The following IL36B variants were observed in gnomAD, a reference collection of about 807,000 sequenced individuals.
IL36B encodes interleukin 36 beta.
IL36B carries 23 observed loss-of-function variants against 19.3 expected under a neutral mutation model. The ratio of observed to expected loss-of-function variants is 1.19; its 90% CI spans 0.86 to 1.69. IL36B has a LOEUF of 1.69. Among genes scored for constraint, IL36B ranks in the 40% most tolerant of loss-of-function variants. The probability of loss-of-function intolerance (pLI) is 0.00; values close to 1 mark genes in which losing one functional copy is unlikely to be tolerated. For missense variants in IL36B, 217 were observed against 200.5 expected, an observed-to-expected ratio of 1.08 and a Z score of -0.50; for synonymous variants, 59 against 59.7, an observed-to-expected ratio of 0.99 and a Z score of 0.05.
intron 1 of IL36B, among the ~76,000 whole-genome samples, chr2:113,033,602 G>A (rs1439814560): frequency 1.3e-5 from 2 of 152,156 alleles, no homozygotes; most frequent in African/African-American, 2.4e-5. Context: ...GGCTCTGAGG[G>A]ATGACAGAAT....
At chr2:113,023,180 A>G (rs1684893065) in intron 5 of IL36B, among the ~76,000 whole-genome samples, 1 of 152,212 alleles carries the variant, frequency 6.6e-6, no homozygotes, top group African/African-American at 2.4e-5. Flanking sequence ...TCAACATTTA[A>G]TGTCAGTTCC....
At chr2:113,028,068 G>C (rs1684997524) in intron 4 of IL36B, 1 of 1,614,094 alleles carries the variant, frequency 6.2e-7, no homozygotes, top group Non-Finnish European at 8.5e-7. Context: ...AAAAGAGAAA[G>C]GGCTTCTGTG....
intron 1 of IL36B, among the ~76,000 whole-genome samples, chr2:113,050,892 T>C (rs532848907): frequency 6.6e-6 from 1 of 152,272 alleles, no homozygotes; most frequent in East Asian, 1.9e-4. Flanking sequence ...GGGCTGCAGA[T>C]CCTTGTGGAA....
intron 4 of IL36B, chr2:113,027,522 G>A (rs1028959561): frequency 1.2e-5 from 12 of 1,034,852 alleles, no homozygotes; most frequent in Non-Finnish European, 1.4e-5. Flanking sequence ...ATGTTTTATT[G>A]AAGAAGTTGT....
chr2:113,027,209 T>G (rs545202020), intron 4 of IL36B, among the ~76,000 whole-genome samples: 16 of 152,118 alleles, frequency 1.1e-4, no homozygotes, highest in Non-Finnish European at 1.9e-4. Flanking sequence ...TCACATTGAC[T>G]GAGGAGAAGA....
At chr2:113,044,986 T>C (rs763293534) in intron 1 of IL36B, among the ~76,000 whole-genome samples, 10 of 152,182 alleles carry the variant, frequency 6.6e-5, no homozygotes, top group African/African-American at 9.6e-5. Flanking sequence ...CCATATCCTA[T>C]TTTTGTCATT....
At chr2:113,051,760 G>T (rs968138708) in intron 1 of IL36B, among the ~76,000 whole-genome samples, 2 of 152,182 alleles carry the variant, frequency 1.3e-5, no homozygotes, top group African/African-American at 4.8e-5. Flanking sequence ...CGGCTCCCTG[G>T]AGGCTGTGTC....
chr2:113,031,825 C>A, intron 1 of IL36B, 59 bp from the exon 2 acceptor site: 1 of 819,016 alleles, frequency 1.2e-6, no homozygotes, highest in Admixed American at 2.0e-5. Flanking sequence ...CTTTTTTCTC[C>A]TCTCCCCCTA....
Position 113,031,164 on chromosome 2 carries a change from T to A in IL36B, c.14-9A>T. On this transcript the variant is annotated splice_polypyrimidine_tract_variant and intron_variant, in intron 2 of 5. Coordinates refer to ENST00000259213, the MANE Select transcript of IL36B (RefSeq NM_014438.5). ...TTTGGGTGCTGCCTCCCCTGCCAGA[T>A]GACAAAAATGCACAAAATACACGTG... 1 of 1,592,948 alleles carries A rather than the reference T, an allele frequency of 6.3e-7. No homozygotes were observed. Among genetic ancestry groups the A allele is most frequent in the Non-Finnish European group, 8.6e-7 (1 of 1,160,690 alleles).
chr2:113,034,376 G>A (rs1378800129), intron 1 of IL36B, among the ~76,000 whole-genome samples: 1 of 152,166 alleles, frequency 6.6e-6, no homozygotes, highest in Non-Finnish European at 1.5e-5. Flanking sequence ...GTATTCCCCA[G>A]CCAGCCTATC....
At chr2:113,047,176 T>G (rs1428282650) in intron 1 of IL36B, among the ~76,000 whole-genome samples, 1 of 152,218 alleles carries the variant, frequency 6.6e-6, no homozygotes, top group African/African-American at 2.4e-5. Flanking sequence ...CTGTGGATTT[T>G]TTTAAGTATT....
At chr2:113,026,337 GC>G (rs1227685953) in intron 4 of IL36B, 1 of 1,522,270 alleles carries the variant, frequency 6.6e-7, no homozygotes, top group Non-Finnish European at 8.8e-7. Context: ...CCTGCATACA[GC>G]ATGTAAGGTG....
intron 5 of IL36B, among the ~76,000 whole-genome samples, chr2:113,024,796 C>T (rs1049365410): frequency 1.2e-4 from 18 of 152,188 alleles, no homozygotes; most frequent in African/African-American, 4.3e-4. Flanking sequence ...TTTTCATCAC[C>T]ATCTTCCTAT....
chr2:113,031,154 C>T lies in IL36B; in HGVS notation c.15G>A (p.Arg5=), dbSNP rs141795577. 8 of 1,611,606 alleles carry T rather than the reference C, an allele frequency of 5.0e-6. No homozygotes were observed. In the African/African-American group the frequency reaches 9.4e-5, roughly 19 times the overall value. Residue 5 remains arginine, a splice_region_variant and synonymous_variant, in exon 3 of 6, where the codon CGG becomes CGA. Transcript: ENST00000259213. ...TAGCATAGGATTTGGGTGCTGCCTCCCCTGCCAGATGACAAAAATGCACAA... is the reference window on the plus strand; with the variant it reads ...TAGCATAGGATTTGGGTGCTGCCTCTCCTGCCAGATGACAAAAATGCACAA...
chr2:113,027,569 T>C (rs1325745202), intron 4 of IL36B: 3 of 1,104,642 alleles, frequency 2.7e-6, no homozygotes, highest in Non-Finnish European at 3.3e-6. Context: ...CTCTACATCA[T>C]GGGTTGGCAA....
intron 1 of IL36B, among the ~76,000 whole-genome samples, chr2:113,037,145 G>T (rs540779971): frequency 6.6e-6 from 1 of 152,312 alleles, no homozygotes; most frequent in East Asian, 1.9e-4. Flanking sequence ...GTGGATCAGC[G>T]ACCACAGTTG....
intron 1 of IL36B, among the ~76,000 whole-genome samples, chr2:113,048,168 T>G (rs1299176321): frequency 2.6e-5 from 4 of 152,230 alleles, no homozygotes; most frequent in African/African-American, 9.6e-5. Flanking sequence ...TGGAGAAAGA[T>G]GTATCATGCA....
rs191826739 is a variant in IL36B, at chr2:113,028,991, T to C, written c.209A>G (p.Asp70Gly). The change falls in exon 4 of 6, where the codon GAT (aspartate) becomes GGT (glycine). Residue 70 changes from aspartate to glycine, a missense_variant. Transcript: ENST00000259213. ...AATTTCTGCACAGAAGAGACAGAGA[T>C]CTTTTCCCTTGATTCCCAGGTAAAC... is the stretch of plus-strand genomic sequence containing the variant. The C allele has an allele frequency of 2.5e-6, 4 of 1,614,176 alleles. No homozygotes were observed. In the Admixed American group the frequency reaches 5.0e-5, roughly 20 times the overall value.
chr2:113,022,571 C>A lies in IL36B; in HGVS notation c.*103G>T. 1 of 747,240 alleles carries A rather than the reference C, an allele frequency of 1.3e-6. No individual in the cohort carries two copies. 46.3% of individuals were successfully genotyped at this position (747,240 alleles called of 1,614,324 possible). ...CTTGTTTTACAAACTCTCCAGAACCCAAGAAAAGAGAAAAATTTCTGCAAC... is the reference window on the plus strand; with the variant it reads ...CTTGTTTTACAAACTCTCCAGAACCAAAGAAAAGAGAAAAATTTCTGCAAC... On this transcript the variant is annotated 3_prime_UTR_variant, in exon 6 of 6. Transcript: ENST00000259213.
Sources: allele counts gnomAD v4.1 joint callset (sites outside exome capture counted in the v4.1 genomes callset), GRCh38; gene constraint gnomAD v4.1.1; transcripts MANE v1.5; gene names NCBI Gene and HGNC (gene_info 2026-07-23, HGNC 2026-07-21).